The following MAN1A2 variants were observed in gnomAD, a reference collection of about 807,000 sequenced individuals.
MAN1A2 encodes the protein mannosyl-oligosaccharide 1,2-alpha-mannosidase IB.
In MAN1A2, 26 loss-of-function variants were observed where a neutral mutation model predicts 75.7. That is an observed-to-expected ratio of 0.34 (90% CI 0.25 to 0.48). The LOEUF (loss-of-function observed/expected upper bound fraction) is 0.48. Among genes scored for constraint, MAN1A2 ranks in the 20% least tolerant of loss-of-function variants. The pLI, the probability that MAN1A2 is intolerant of heterozygous loss-of-function variation, is 0.99. For synonymous variants in MAN1A2, 247 were observed against 264.6 expected (o/e 0.93, Z 0.65); for missense variants, 562 against 775.5 (o/e 0.72, Z 3.27).
intron 12 of MAN1A2, among the ~76,000 whole-genome samples, chr1:117,516,728 A>C (rs1651722436): frequency 6.6e-6 from 1 of 152,200 alleles, no homozygotes; most frequent in African/African-American, 2.4e-5. Context: ...TAGAGTTTCC[A>C]GGACATGATA....
chr1:117,521,736 A>T (rs535177609), intron 12 of MAN1A2, among the ~76,000 whole-genome samples: 1 of 151,998 alleles, frequency 6.6e-6, no homozygotes, highest in Admixed American at 6.6e-5. Flanking sequence ...GCATGTTTAT[A>T]GCAGCACAGT....
intron 1 of MAN1A2, among the ~76,000 whole-genome samples, chr1:117,394,770 G>A (rs1330549830): frequency 5.9e-5 from 9 of 152,152 alleles, no homozygotes; most frequent in Non-Finnish European, 8.8e-5. Flanking sequence ...GATGTAAAGT[G>A]TAGGAAGTGG....
intron 1 of MAN1A2, among the ~76,000 whole-genome samples, chr1:117,377,944 CA>C: frequency 6.6e-6 from 1 of 151,648 alleles, no homozygotes; most frequent in African/African-American, 2.4e-5. Flanking sequence ...ACTAAAAATA[CA>C]AAAAAAATTA....
intron 1 of MAN1A2, among the ~76,000 whole-genome samples, chr1:117,395,570 C>T (rs1653877617): frequency 6.6e-6 from 1 of 151,728 alleles, no homozygotes; most frequent in Admixed American, 6.6e-5. Flanking sequence ...TGTTGAAGGA[C>T]AAAACACAAA....
intron 12 of MAN1A2, among the ~76,000 whole-genome samples, chr1:117,507,770 T>C (rs1028848554): frequency 6.6e-6 from 1 of 151,500 alleles, no homozygotes; most frequent in Non-Finnish European, 1.5e-5. Flanking sequence ...TTGGTTGGAG[T>C]CTTGATTGTT....
intron 12 of MAN1A2, among the ~76,000 whole-genome samples, chr1:117,509,472 G>C (rs1040250303): frequency 6.6e-6 from 1 of 151,870 alleles, no homozygotes; most frequent in African/African-American, 2.4e-5. Context: ...AAGGAAGCAA[G>C]GTCCACCTGT....
chr1:117,499,815 T>C (rs1651145405), intron 11 of MAN1A2, among the ~76,000 whole-genome samples: 1 of 150,382 alleles, frequency 6.6e-6, no homozygotes, highest in Non-Finnish European at 1.5e-5. Flanking sequence ...GTTAGTTAAG[T>C]AAAGGAAGCA....
chr1:117,440,340 A>G (rs1012939934), intron 5 of MAN1A2, among the ~76,000 whole-genome samples: 1 of 152,212 alleles, frequency 6.6e-6, no homozygotes, highest in African/African-American at 2.4e-5. Flanking sequence ...AGGTGGTTGC[A>G]TTGTAAAAGG....
At chr1:117,419,111 T>C (rs1218036329) in intron 4 of MAN1A2, among the ~76,000 whole-genome samples, 1 of 152,102 alleles carries the variant, frequency 6.6e-6, no homozygotes, top group East Asian at 1.9e-4. Context: ...GGGATATTAA[T>C]ACAAGGGATG....
At chr1:117,487,075 A>T (rs1031621527) in intron 8 of MAN1A2, among the ~76,000 whole-genome samples, 2 of 152,094 alleles carry the variant, frequency 1.3e-5, no homozygotes, top group African/African-American at 4.8e-5. Context: ...GGTACTTTCA[A>T]GAAGCTCTGG....
At chr1:117,515,809 G>A (rs1045183606) in intron 12 of MAN1A2, 1 of 152,134 alleles carries the variant, frequency 6.6e-6, no homozygotes, top group South Asian at 2.1e-4. Flanking sequence ...GGTTACCAGG[G>A]ACCTGGGGAG....
chr1:117,451,664 G>A (rs1426060224), intron 6 of MAN1A2, among the ~76,000 whole-genome samples: 2 of 152,200 alleles, frequency 1.3e-5, no homozygotes, highest in Non-Finnish European at 2.9e-5. Context: ...TTAAAAAGGG[G>A]AGTTTTGTTA....
chr1:117,418,101 A>G (rs995754651), intron 4 of MAN1A2, among the ~76,000 whole-genome samples: 21 of 152,110 alleles, frequency 1.4e-4, no homozygotes, highest in African/African-American at 5.1e-4. Context: ...CTTTTGTTTT[A>G]TGTGTCATTG....
intron 1 of MAN1A2, among the ~76,000 whole-genome samples, chr1:117,383,946 T>C (rs1653437991): frequency 6.6e-6 from 1 of 152,118 alleles, no homozygotes; most frequent in South Asian, 2.1e-4. Flanking sequence ...TTTAATCTTA[T>C]TTATTTCTGT....
intron 1 of MAN1A2, among the ~76,000 whole-genome samples, chr1:117,386,803 A>G (rs914578457): frequency 1.3e-5 from 2 of 151,808 alleles, no homozygotes; most frequent in Non-Finnish European, 2.9e-5. Flanking sequence ...GTGGTGGCAC[A>G]CACCTATATT....
intron 1 of MAN1A2, among the ~76,000 whole-genome samples, chr1:117,380,614 T>C (rs993886270): frequency 9.2e-5 from 14 of 152,214 alleles, no homozygotes; most frequent in Admixed American, 2.0e-4. Context: ...GCACCATTTG[T>C]TGAAGAGACA....
intron 12 of MAN1A2, among the ~76,000 whole-genome samples, chr1:117,503,647 T>G (rs1301608402): frequency 1.3e-5 from 2 of 151,596 alleles, no homozygotes; most frequent in African/African-American, 4.8e-5. Context: ...TTATTATTTG[T>G]ATTTCTTGCA....
chr1:117,516,569 A>G (rs1375071799), intron 12 of MAN1A2, among the ~76,000 whole-genome samples: 1 of 152,156 alleles, frequency 6.6e-6, no homozygotes, highest in Non-Finnish European at 1.5e-5. Context: ...TAAAGATGGA[A>G]CCAGATTTAC....
intron 1 of MAN1A2, among the ~76,000 whole-genome samples, chr1:117,394,952 AT>A (rs1239485827): frequency 2.0e-5 from 3 of 152,154 alleles, no homozygotes; most frequent in Non-Finnish European, 4.4e-5. Flanking sequence ...AAGAGTGAAT[AT>A]AAAGGAAAAT....
Sources: allele counts gnomAD v4.1 joint callset (sites outside exome capture counted in the v4.1 genomes callset), GRCh38; gene constraint gnomAD v4.1.1; transcripts MANE v1.5; gene names NCBI Gene and HGNC (gene_info 2026-07-23, HGNC 2026-07-21).